ZDHHC14: variants seen among roughly 807,000 people sequenced by gnomAD.
ZDHHC14 encodes zDHHC palmitoyltransferase 14.
ZDHHC14 carries 16 observed loss-of-function variants against 47.7 expected under a neutral mutation model. That is an observed-to-expected ratio of 0.34 (90% CI 0.23 to 0.51). ZDHHC14 has a LOEUF of 0.51. ZDHHC14 is among the 20% of genes least tolerant of loss of function. The pLI is 0.97. For synonymous variants in ZDHHC14, 293 were observed against 278.9 expected, an observed-to-expected ratio of 1.05 and a Z score of -0.50; for missense variants, 515 against 662.5, an observed-to-expected ratio of 0.78 and a Z score of 2.44.
chr6:157,654,405 C>G (rs772308475), intron 8 of ZDHHC14, among the ~76,000 whole-genome samples: 4 of 152,160 alleles, frequency 2.6e-5, no homozygotes, highest in South Asian at 4.1e-4. Context: ...GTTAGAAGTT[C>G]CATGTTTCTG....
intron 1 of ZDHHC14, among the ~76,000 whole-genome samples, chr6:157,435,248 G>A (rs1281576123): frequency 6.6e-6 from 1 of 152,210 alleles, no homozygotes; most frequent in African/African-American, 2.4e-5. Flanking sequence ...TGCTGCCCTG[G>A]GGCAGGTTGC....
chr6:157,637,610 T>G (rs544524034), intron 5 of ZDHHC14, among the ~76,000 whole-genome samples: 2 of 152,316 alleles, frequency 1.3e-5, no homozygotes, highest in South Asian at 4.1e-4. Flanking sequence ...TTTTTAAAAC[T>G]GAAGGAAGTT....
intron 3 of ZDHHC14, among the ~76,000 whole-genome samples, chr6:157,594,522 G>A (rs1302334886): frequency 1.3e-5 from 2 of 152,212 alleles, no homozygotes; most frequent in Non-Finnish European, 2.9e-5. Flanking sequence ...TGGGATAGTG[G>A]AGAGAATAAA....
intron 8 of ZDHHC14, among the ~76,000 whole-genome samples, chr6:157,664,462 A>T (rs1217518336): frequency 1.3e-5 from 2 of 152,170 alleles, no homozygotes; most frequent in African/African-American, 4.8e-5. Flanking sequence ...GGTACTGGCT[A>T]GTCACCTTGA....
intron 1 of ZDHHC14, among the ~76,000 whole-genome samples, chr6:157,472,318 T>C (rs1412335114): frequency 6.6e-6 from 1 of 152,134 alleles, no homozygotes; most frequent in Non-Finnish European, 1.5e-5. Flanking sequence ...CCTGGGCATG[T>C]AGAGCCGTGC....
chr6:157,581,662 A>AT (rs1783525363), intron 2 of ZDHHC14, among the ~76,000 whole-genome samples: 1 of 152,126 alleles, frequency 6.6e-6, no homozygotes. Context: ...ATGCTTTGCC[A>AT]TTATGTAATG....
At position 157,677,100 on chromosome 6, in the gene ZDHHC14, A is replaced by ATG. The variant is rs1189338780; in HGVS notation, c.*3978_*3979insTG. The ATG allele has an allele frequency of 7.9e-5, 12 of 152,230 alleles. No individual in the cohort carries two copies. The highest frequency in any genetic ancestry group is 2.7e-4 in the African/African-American group (11 of 41,472). The allele number at this position is 152,230 out of a possible 1,614,324, so 9.4% of individuals were successfully genotyped here. ...TTGATGTTTACATTTTCTATCAAGT[A>ATG]CACATGAGCTGTGGGAGTCTAGCAT... is the stretch of plus-strand genomic sequence containing the variant. On this transcript the variant is annotated 3_prime_UTR_variant, in exon 9 of 9. Transcript: ENST00000359775.
Position 157,673,021 on chromosome 6 carries a change from C to T in ZDHHC14, c.1366C>T (p.Pro456Ser). ...SPPRLLAAGS[P>S]LAHSRTMHVL... ...CCCCAGGCTACTGGCGGCGGGCAGCCCCCTGGCGCACAGCCGCACCATGCA... is the reference window on the plus strand; with the variant it reads ...CCCCAGGCTACTGGCGGCGGGCAGCTCCCTGGCGCACAGCCGCACCATGCA... The change falls in exon 9 of 9, where the codon CCC becomes TCC. Residue 456 changes from proline (P) to serine (S), a missense_variant. Pro to Ser is a moderately conservative substitution (Grantham distance 74). Coordinates refer to ENST00000359775, the MANE Select transcript of ZDHHC14 (RefSeq NM_024630.3). The surrounding 1 kb of genome is among the most constrained non-coding windows in gnomAD (Gnocchi z 5.4). 2 of 1,567,988 alleles carry T rather than the reference C, an allele frequency of 1.3e-6. No individual in the cohort carries two copies. The highest frequency in any genetic ancestry group is 1.3e-5 in the African/African-American group (1 of 74,092).
chr6:157,591,378 G>C (rs1416368584), intron 2 of ZDHHC14, among the ~76,000 whole-genome samples: 1 of 152,154 alleles, frequency 6.6e-6, no homozygotes, highest in African/African-American at 2.4e-5. Context: ...TTGAATCATG[G>C]AGACAGTTAC....
At chr6:157,469,293 T>A (rs1030813866) in intron 1 of ZDHHC14, among the ~76,000 whole-genome samples, 10 of 152,220 alleles carry the variant, frequency 6.6e-5, no homozygotes, top group African/African-American at 2.4e-4. Context: ...AAGGTGTGAA[T>A]GACTAGGGTT....
chr6:157,470,774 A>G (rs142363729), intron 1 of ZDHHC14, among the ~76,000 whole-genome samples: 6 of 152,368 alleles, frequency 3.9e-5, no homozygotes, highest in East Asian at 1.9e-4. Flanking sequence ...AATACTACAT[A>G]GATTGTCTCC....
intron 8 of ZDHHC14, among the ~76,000 whole-genome samples, 184 bp from the exon 9 acceptor site, chr6:157,672,536 CTGGG>C (rs1374102156): frequency 1.3e-5 from 2 of 152,120 alleles, no homozygotes; most frequent in African/African-American, 4.8e-5. Flanking sequence ...GCACCAGGCG[CTGGG>C]TGTCTCTCCC....
chr6:157,546,394 C>T (rs1265240055), intron 2 of ZDHHC14, among the ~76,000 whole-genome samples: 9 of 151,994 alleles, frequency 5.9e-5, no homozygotes, highest in African/African-American at 1.2e-4. Flanking sequence ...CATAATGGCC[C>T]CTTGGAATCA....
At chr6:157,538,805 A>AT (rs1251629700) in intron 1 of ZDHHC14, among the ~76,000 whole-genome samples, 3 of 152,216 alleles carry the variant, frequency 2.0e-5, no homozygotes, top group African/African-American at 7.2e-5. Flanking sequence ...GAGCATCAAC[A>AT]TGCTGAATGG....
At chr6:157,460,472 G>C (rs1779052395) in intron 1 of ZDHHC14, among the ~76,000 whole-genome samples, 1 of 146,016 alleles carries the variant, frequency 6.8e-6, no homozygotes, top group South Asian at 2.2e-4. Context: ...TTCTGTGTCT[G>C]CTTCTCCAAA....
At chr6:157,531,502 C>T (rs145993222) in intron 1 of ZDHHC14, among the ~76,000 whole-genome samples, 2,994 of 152,194 alleles carry the variant, frequency 0.02, 94 homozygotes, top group African/African-American at 0.067. Context: ...ACACCCCCCG[C>T]TCCGGCCCAC....
intron 8 of ZDHHC14, among the ~76,000 whole-genome samples, chr6:157,654,883 A>C (rs1267614581): frequency 6.6e-6 from 1 of 151,952 alleles, no homozygotes; most frequent in Non-Finnish European, 1.5e-5. Context: ...CTACAGGTGC[A>C]TGCCACCATG....
intron 7 of ZDHHC14, among the ~76,000 whole-genome samples, chr6:157,650,289 G>A (rs1168827312): frequency 6.6e-6 from 1 of 152,164 alleles, no homozygotes; most frequent in Non-Finnish European, 1.5e-5. Context: ...AAAGGGGGCA[G>A]CTGTGCAGGG....
chr6:157,479,403 G>C (rs1489081596), intron 1 of ZDHHC14, among the ~76,000 whole-genome samples: 4 of 152,128 alleles, frequency 2.6e-5, no homozygotes, highest in African/African-American at 9.7e-5. Flanking sequence ...TTGGGATATT[G>C]ATTTCTGACA....
Sources: allele counts gnomAD v4.1 joint callset (sites outside exome capture counted in the v4.1 genomes callset), GRCh38; gene constraint gnomAD v4.1.1; non-coding constraint Gnocchi (gnomAD v3.1); transcripts MANE v1.5; gene names NCBI Gene and HGNC (gene_info 2026-07-23, HGNC 2026-07-21).